MTPN: variants seen among roughly 807,000 people sequenced by gnomAD.
MTPN encodes the protein myotrophin, also known as granule cell differentiation protein.
In MTPN, 2 loss-of-function variants were observed where a neutral mutation model predicts 13.5. The observed-to-expected ratio is 0.15, with a 90% confidence interval of 0.06 to 0.47. The LOEUF is 0.47. Among genes scored for constraint, MTPN ranks in the 20% least tolerant of loss-of-function variants. The probability of loss-of-function intolerance (pLI) is 0.97; values close to 1 mark genes in which losing one functional copy is unlikely to be tolerated. For synonymous variants in MTPN, 46 were observed against 51.7 expected (o/e 0.89, Z 0.48); for missense variants, 79 against 137.9 (o/e 0.57, Z 2.14).
intron 3 of MTPN, among the ~76,000 whole-genome samples, chr7:135,939,289 G>A (rs1440890202): frequency 6.6e-6 from 1 of 152,046 alleles, no homozygotes; most frequent in East Asian, 1.9e-4. Flanking sequence ...TAGATTCTCT[G>A]TGAAGCCTGC....
At chr7:135,945,930 A>G (rs1190605166) in intron 3 of MTPN, among the ~76,000 whole-genome samples, 1 of 152,210 alleles carries the variant, frequency 6.6e-6, no homozygotes, top group Non-Finnish European at 1.5e-5. Context: ...CATACCTATG[A>G]TAAAGTTTAA....
intron 3 of MTPN, among the ~76,000 whole-genome samples, chr7:135,935,098 C>T (rs1052856949): frequency 9.2e-5 from 14 of 152,192 alleles, no homozygotes; most frequent in African/African-American, 3.1e-4. Flanking sequence ...CTACCATCTT[C>T]CAGAAGATGT....
intron 1 of MTPN, among the ~76,000 whole-genome samples, chr7:135,962,566 T>G (rs1799541162): frequency 6.6e-6 from 1 of 152,080 alleles, no homozygotes; most frequent in Non-Finnish European, 1.5e-5. Flanking sequence ...CTACCACTGT[T>G]CACTAGATTT....
chr7:135,944,045 C>T (rs947493735), intron 3 of MTPN, among the ~76,000 whole-genome samples: 2 of 151,906 alleles, frequency 1.3e-5, no homozygotes, highest in Admixed American at 6.6e-5. Flanking sequence ...TTTCTATAGG[C>T]GATTGAGAGG....
intron 1 of MTPN, chr7:135,960,649 A>C (rs375808681): frequency 1.3e-5 from 2 of 151,950 alleles, no homozygotes; most frequent in Admixed American, 1.3e-4. Context: ...AAGAAAAAAA[A>C]CTCTAAGGAA....
chr7:135,942,196 T>C (rs951783167), intron 3 of MTPN, among the ~76,000 whole-genome samples: 1 of 152,112 alleles, frequency 6.6e-6, no homozygotes, highest in Non-Finnish European at 1.5e-5. Flanking sequence ...GCCGCTGTTA[T>C]ATTACTTAAA....
intron 3 of MTPN, among the ~76,000 whole-genome samples, chr7:135,949,238 C>A (rs1799328074): frequency 6.6e-6 from 1 of 152,110 alleles, no homozygotes; most frequent in African/African-American, 2.4e-5. Context: ...TCATAAACAG[C>A]AAATCTGTTT....
rs1209724874 is a variant in MTPN, at chr7:135,929,210, T to C, written c.*716A>G. The C allele has an allele frequency of 1.2e-5, 2 of 167,050 alleles. No individual in the cohort carries two copies. The highest frequency in any genetic ancestry group is 2.9e-5 in the Non-Finnish European group (2 of 68,108). The allele number at this position is 167,050 out of a possible 1,614,324, so 10.3% of individuals were successfully genotyped here. The stretch of plus-strand genomic sequence containing the variant: ...AAAAAATATGCATACTGGAATGGTT[T>C]CTCCTTTAGACTTCCAAAACTTAAG... On this transcript the variant is annotated 3_prime_UTR_variant, in exon 4 of 4. Transcript: ENST00000393085.
intron 3 of MTPN, among the ~76,000 whole-genome samples, chr7:135,943,734 G>A (rs945724642): frequency 3.3e-5 from 5 of 152,142 alleles, no homozygotes; most frequent in Non-Finnish European, 1.5e-5. Context: ...AGTTGTTGTT[G>A]TAAGATTAGA....
In MTPN at chr7:135,927,263, CTTAACTGGGT is replaced by C. The variant is rs1283413119; in HGVS notation, c.*2653_*2662del. The C allele has an allele frequency of 2.0e-6, 3 of 1,534,504 alleles. No individual in the cohort carries two copies. The highest frequency in any genetic ancestry group is 2.6e-6 in the Non-Finnish European group (3 of 1,138,526). ...ACCTACCTACTACCTCTCTTCCATG[CTTAACTGGGT>C]TTAGAAAGGTGAGCTATGCGTAGAA... On this transcript the variant is annotated 3_prime_UTR_variant, in exon 4 of 4. Transcript: ENST00000393085.
intron 3 of MTPN, among the ~76,000 whole-genome samples, chr7:135,949,952 C>G (rs1387867575): frequency 6.6e-6 from 1 of 152,120 alleles, no homozygotes; most frequent in Non-Finnish European, 1.5e-5. Flanking sequence ...AATACTGTAA[C>G]TGGTAATATT....
intron 3 of MTPN, among the ~76,000 whole-genome samples, chr7:135,933,701 T>C (rs1799065729): frequency 1.3e-5 from 2 of 152,298 alleles, no homozygotes; most frequent in South Asian, 4.2e-4. Flanking sequence ...AATCAGAAGG[T>C]AACACTTACA....
In MTPN at chr7:135,927,893, T is replaced by A. The variant is rs1172649616; in HGVS notation, c.*2033A>T. The stretch of plus-strand genomic sequence containing the variant: ...GTTTAGGAATGATAGGACAATGCAC[T>A]CTCTGCAATAGCCAACTACAACAAA... On this transcript the variant is annotated 3_prime_UTR_variant, in exon 4 of 4. Coordinates refer to ENST00000393085, the MANE Select transcript of MTPN (RefSeq NM_145808.4). 1 of 310,344 alleles carries A rather than the reference T, an allele frequency of 3.2e-6. No individual in the cohort carries two copies. Among genetic ancestry groups the A allele is most frequent in the East Asian group, 9.7e-5 (1 of 10,332 alleles). The allele number at this position is 310,344 out of a possible 1,614,324, so 19.2% of individuals were successfully genotyped here. A position where few individuals can be genotyped will look rare whatever the true frequency, so the allele number is the denominator to read the frequency against.
At position 135,956,061 on chromosome 7, in the gene MTPN, G is replaced by T. The variant is rs74959559; in HGVS notation, c.73-4431C>A. Among the ~76,000 whole-genome samples, 61 of 152,256 alleles carry T rather than the reference G, an allele frequency of 4.0e-4. 1 individual carries two copies. In the East Asian group the frequency reaches 0.012, roughly 29 times the overall value. ...TAATCAGTACAACCAGGCATGAAAAGAAATAAAAGGCATCCATTTCGAAAA... is the reference window on the plus strand; with the variant it reads ...TAATCAGTACAACCAGGCATGAAAATAAATAAAAGGCATCCATTTCGAAAA... On this transcript the variant is annotated intron_variant, in intron 1 of 3. Transcript: ENST00000393085.
chr7:135,970,543 G>A (rs987281148), intron 1 of MTPN, among the ~76,000 whole-genome samples: 2 of 151,910 alleles, frequency 1.3e-5, no homozygotes, highest in African/African-American at 2.4e-5. Context: ...ATAGTCAATG[G>A]GATATTTTAC....
chr7:135,944,386 C>T (rs1305128179), intron 3 of MTPN, among the ~76,000 whole-genome samples: 1 of 151,900 alleles, frequency 6.6e-6, no homozygotes, highest in Non-Finnish European at 1.5e-5. Flanking sequence ...TAGAAATGTG[C>T]AACATGAGGC....
intron 1 of MTPN, among the ~76,000 whole-genome samples, chr7:135,956,282 T>C (rs192206094): frequency 3.3e-5 from 5 of 152,334 alleles, no homozygotes; most frequent in South Asian, 4.1e-4. Flanking sequence ...TTAGTGACAT[T>C]AGCAGAGATA....
Position 135,927,605 on chromosome 7 carries a change from G to A in MTPN, c.*2321C>T, listed in dbSNP as rs1443006455. 8 of 676,642 alleles carry A rather than the reference G, an allele frequency of 1.2e-5. No individual in the cohort carries two copies. Among genetic ancestry groups the A allele is most frequent in the Non-Finnish European group, 1.4e-5 (5 of 367,218 alleles). The allele number at this position is 676,642 out of a possible 1,614,324, so 41.9% of individuals were successfully genotyped here. A position where few individuals can be genotyped will look rare whatever the true frequency, so the allele number is the denominator to read the frequency against. On this transcript the variant is annotated 3_prime_UTR_variant, in exon 4 of 4. Transcript: ENST00000393085. ...TCAAAATATGAACATTAAGTGTTGT[G>A]AATTTGTCTGCCAAGTGGTTCAGAA...
chr7:135,931,770 T>C (rs1462732443), intron 3 of MTPN, among the ~76,000 whole-genome samples: 1 of 152,246 alleles, frequency 6.6e-6, no homozygotes, highest in Non-Finnish European at 1.5e-5. Context: ...CTCCATTTGA[T>C]GGCAGCACCC....
Sources: gnomAD v4.1 joint callset for allele counts (sites outside exome capture counted in the v4.1 genomes callset) on GRCh38, gnomAD v4.1.1 for gene constraint, MANE v1.5 for transcripts, NCBI Gene and HGNC (gene_info 2026-07-23, HGNC 2026-07-21) for gene names.